Variants in MAPK10 observed in about 807,000 individuals in gnomAD.
MAPK10 encodes JNK3 alpha protein kinase.
A neutral mutation model predicts 59.3 loss-of-function variants in MAPK10; 25 were observed. The ratio of observed to expected loss-of-function variants is 0.42; its 90% CI spans 0.31 to 0.59. MAPK10 has a LOEUF of 0.59. Among genes scored for constraint, MAPK10 ranks in the 20% least tolerant of loss-of-function variants. The pLI is 0.15. For missense variants in MAPK10, 351 were observed against 568.9 expected, an observed-to-expected ratio of 0.62 and a Z score of 3.90; for synonymous variants, 190 against 200.5, an observed-to-expected ratio of 0.95 and a Z score of 0.44.
At chr4:86,410,400 G>A (rs1466707805) in intron 1 of MAPK10, among the ~76,000 whole-genome samples, 1 of 152,156 alleles carries the variant, frequency 6.6e-6, no homozygotes, top group Non-Finnish European at 1.5e-5. Context: ...TTTGTATCAG[G>A]ATGATGCTGG....
chr4:86,467,886 C>A (rs971676746), intron 1 of MAPK10, among the ~76,000 whole-genome samples: 3 of 152,180 alleles, frequency 2.0e-5, no homozygotes, highest in South Asian at 2.1e-4. Context: ...CTGAAAAAAA[C>A]CAAGAGTCCC....
At chr4:86,068,001 C>A in intron 9 of MAPK10, 46 bp from the exon 10 acceptor site, 1 of 1,339,984 alleles carries the variant, frequency 7.5e-7, no homozygotes. Context: ...AGACCACTAG[C>A]CTTTCAACAA....
At chr4:86,223,690 T>C (rs1337910507) in intron 2 of MAPK10, among the ~76,000 whole-genome samples, 1 of 152,106 alleles carries the variant, frequency 6.6e-6, no homozygotes, top group Non-Finnish European at 1.5e-5. Context: ...GCACCACATC[T>C]GGGCAAACTA....
intron 1 of MAPK10, among the ~76,000 whole-genome samples, chr4:86,561,719 T>C (rs1452001139): frequency 6.6e-6 from 1 of 152,168 alleles, no homozygotes; most frequent in Non-Finnish European, 1.5e-5. Context: ...AACAGATAAT[T>C]AAGGAGGTTA....
chr4:86,267,828 C>T (rs956181182), intron 2 of MAPK10, among the ~76,000 whole-genome samples: 3 of 152,140 alleles, frequency 2.0e-5, no homozygotes, highest in Non-Finnish European at 4.4e-5. Flanking sequence ...CTATCTCTAC[C>T]TTCAGCACTC....
intron 1 of MAPK10, among the ~76,000 whole-genome samples, chr4:86,412,728 C>T (rs1035174295): frequency 6.6e-6 from 1 of 152,174 alleles, no homozygotes; most frequent in East Asian, 1.9e-4. Context: ...ACAAAGTTCT[C>T]GTGCTGTGGT....
chr4:86,190,785 A>G (rs1173123158), intron 3 of MAPK10, among the ~76,000 whole-genome samples: 1 of 152,072 alleles, frequency 6.6e-6, no homozygotes, highest in African/African-American at 2.4e-5. Flanking sequence ...GTCCTCTGCT[A>G]TCTTTTGAAA....
intron 2 of MAPK10, among the ~76,000 whole-genome samples, chr4:86,265,677 A>AAG (rs1284988572): frequency 2.0e-5 from 3 of 151,178 alleles, no homozygotes; most frequent in Non-Finnish European, 2.9e-5. Flanking sequence ...GCAGTAAGAG[A>AAG]AGAGAAAGAG....
At chr4:86,097,899 A>G (rs971479927) in intron 9 of MAPK10, among the ~76,000 whole-genome samples, 1 of 152,164 alleles carries the variant, frequency 6.6e-6, no homozygotes, top group Non-Finnish European at 1.5e-5. Context: ...TGGGAAAACA[A>G]GCATGTATGT....
rs144884627 is a variant in MAPK10 at position 86,060,239 on chromosome 4, T to C, written c.1110+4027A>G. Among the ~76,000 whole-genome samples the C allele has an allele frequency of 1.3e-3, 199 of 152,298 alleles. 1 individual carries two copies. Among genetic ancestry groups the C allele is most frequent in the African/African-American group, 4.7e-3 (194 of 41,568 alleles). On this transcript the variant is annotated intron_variant, in intron 11 of 13. Transcript: ENST00000641462. ...TACTAGGCTTCTTCATGATGATTTA[T>C]TTGAGTTTTGATGTACTTGGTTTTG...
In MAPK10 at chr4:86,311,035, T is replaced by TACAC. The variant is rs143712904; in HGVS notation, c.-7+43491_-7+43494dup. ...ACTATATGATTACACAGTTTTAAGT[T>TACAC]ACACACACACACACACACACACACA... is the stretch of plus-strand genomic sequence containing the variant. On this transcript the variant is annotated intron_variant, in intron 2 of 13. Transcript: ENST00000641462. 4.0e-3 allele frequency among the ~76,000 whole-genome samples: 564 copies of TACAC among 141,956 alleles called. 4 individuals are homozygous for TACAC. The highest frequency in any genetic ancestry group is 0.022 in the East Asian group (105 of 4,806). The allele number at this position is 141,956 out of a possible 152,430, so 93.1% of individuals were successfully genotyped here. A position where few individuals can be genotyped will look rare whatever the true frequency, so the allele number is the denominator to read the frequency against.
chr4:86,569,321 A>G (rs1362700063), intron 1 of MAPK10, among the ~76,000 whole-genome samples: 2 of 152,214 alleles, frequency 1.3e-5, no homozygotes, highest in African/African-American at 4.8e-5. Flanking sequence ...GAGGATGCAG[A>G]GAAAAGGGAA....
intron 1 of MAPK10, among the ~76,000 whole-genome samples, chr4:86,424,007 C>T (rs1746928729): frequency 1.3e-5 from 2 of 151,630 alleles, no homozygotes; most frequent in Non-Finnish European, 2.9e-5. Context: ...AGAAGAAGTG[C>T]CTGTAAGAGA....
intron 1 of MAPK10, among the ~76,000 whole-genome samples, chr4:86,390,957 T>C (rs1351522719): frequency 1.3e-5 from 2 of 152,244 alleles, no homozygotes; most frequent in Non-Finnish European, 2.9e-5. Context: ...CTGTGCCACA[T>C]AATTGCTATC....
chr4:86,159,091 T>A (rs5004884), intron 4 of MAPK10: 19,730 of 377,372 alleles, frequency 0.052, 1,463 homozygotes, highest in African/African-American at 0.23. Flanking sequence ...AAAAAACATG[T>A]CACAAGCCAA....
chr4:86,582,028 C>A (rs1762347935), intron 1 of MAPK10, among the ~76,000 whole-genome samples: 1 of 147,866 alleles, frequency 6.8e-6, no homozygotes. Context: ...GTTAAAATAT[C>A]ATTTATCAGG....
intron 9 of MAPK10, among the ~76,000 whole-genome samples, chr4:86,085,663 A>C (rs1424676404): frequency 6.6e-6 from 1 of 152,166 alleles, no homozygotes; most frequent in Non-Finnish European, 1.5e-5. Flanking sequence ...AATTATCATA[A>C]TAACTAGGAG....
intron 1 of MAPK10, among the ~76,000 whole-genome samples, chr4:86,556,529 T>C (rs926883378): frequency 1.1e-4 from 17 of 152,148 alleles, no homozygotes; most frequent in African/African-American, 3.9e-4. Flanking sequence ...TTAGATCATA[T>C]TGAGGCAGAG....
At chr4:86,354,458 T>C in intron 2 of MAPK10, 72 bp downstream of exon 2, 1 of 568,864 alleles carries the variant, frequency 1.8e-6, no homozygotes, top group Non-Finnish European at 2.6e-6. Context: ...TACAAAACCA[T>C]ATGCAATATT....
Sources: gnomAD v4.1 joint callset for allele counts (sites outside exome capture counted in the v4.1 genomes callset) on GRCh38, gnomAD v4.1.1 for gene constraint, MANE v1.5 for transcripts, NCBI Gene and HGNC (gene_info 2026-07-23, HGNC 2026-07-21) for gene names.